Variants in POLR2F observed in about 807,000 individuals in gnomAD.
POLR2F encodes the protein RNA polymerase II, I and III subunit F, also known as DNA-directed RNA polymerases I, II, and III subunit RPABC2.
In POLR2F, 12 loss-of-function variants were observed where a neutral mutation model predicts 22.7. That is an observed-to-expected ratio of 0.53 (90% CI 0.34 to 0.86). The LOEUF is 0.86. Among genes scored for constraint, POLR2F ranks in the 40% least tolerant of loss-of-function variants. The pLI, the probability that POLR2F is intolerant of heterozygous loss-of-function variation, is 0.02. For missense variants in POLR2F, 126 were observed against 171.5 expected (o/e 0.73, Z 1.48); for synonymous variants, 57 against 66.0 (o/e 0.86, Z 0.66).
At chr22:38,029,819 C>T (rs568901626), downstream of POLR2F, among the ~76,000 whole-genome samples, 4 of 152,340 alleles carry the variant, frequency 2.6e-5, no homozygotes, top group East Asian at 7.7e-4. Flanking sequence ...TTCACCAAGG[C>T]ACCATCAGGT....
intron 1 of POLR2F, among the ~76,000 whole-genome samples, chr22:38,015,781 G>A (rs758302907): frequency 2.4e-4 from 37 of 152,110 alleles, no homozygotes; most frequent in Non-Finnish European, 4.7e-4. Flanking sequence ...CATGTGCCAC[G>A]CTGTGTTCTA....
At chr22:37,970,506 C>A (rs1004726100), downstream of POLR2F, among the ~76,000 whole-genome samples, 3 of 145,646 alleles carry the variant, frequency 2.1e-5, no homozygotes, top group Non-Finnish European at 4.5e-5. Flanking sequence ...ACTCGGGAGG[C>A]TGAGGCAGGG....
Position 38,011,802 on chromosome 22 carries a change from A to AT in POLR2F, c.121-14056dup, listed in dbSNP as rs988242383. ...ATTTCTTCAAAAAAAGCTTGCTGGC[A>AT]TTTTTTTTTTTCTTTACTGGGATTG... On this transcript the variant is annotated intron_variant, in intron 1 of 2. Transcript: ENST00000333418. 4.7e-3 allele frequency among the ~76,000 whole-genome samples: 677 copies of AT among 145,518 alleles called. 4 individuals are homozygous for AT. Among genetic ancestry groups the AT allele is most frequent in the African/African-American group, 0.013 (513 of 40,098 alleles).
upstream of POLR2F, among the ~76,000 whole-genome samples, chr22:37,985,573 A>T (rs1241721974): frequency 6.6e-6 from 1 of 152,002 alleles, no homozygotes; most frequent in African/African-American, 2.4e-5. Flanking sequence ...GGTGGGGTGT[A>T]TGTGGGTTAT....
In POLR2F at chr22:37,995,279, C is replaced by T. The variant is rs541891116; in HGVS notation, c.120+8967C>T. On this transcript the variant is annotated intron_variant, in intron 1 of 2. Coordinates refer to the POLR2F transcript ENST00000333418. ...GTGCTCGGGGTTGGACATGTGAGCA[C>T]GCAGCAGATGCTCAATAAGTGCTTG... Among the ~76,000 whole-genome samples, 18 of 152,308 alleles carry T rather than the reference C, an allele frequency of 1.2e-4. No individual in the cohort carries two copies. The South Asian group carries it at 1.7e-3, about 14-fold the overall frequency.
intron 5 of POLR2F, among the ~76,000 whole-genome samples, chr22:38,038,041 T>G (rs1305329390): frequency 1.3e-5 from 2 of 152,032 alleles, no homozygotes; most frequent in East Asian, 3.9e-4. Context: ...AGTAGCTTCT[T>G]TTAGAACAAC....
chr22:37,960,309 T>G (rs1931580107), intron 3 of POLR2F, among the ~76,000 whole-genome samples: 1 of 151,766 alleles, frequency 6.6e-6, no homozygotes, highest in Admixed American at 6.6e-5. Flanking sequence ...GTACAACCCC[T>G]GCCTCCCGGG....
At chr22:37,955,203 G>GTTTTT (rs77201045) in intron 1 of POLR2F, among the ~76,000 whole-genome samples, 1 of 131,770 alleles carries the variant, frequency 7.6e-6, no homozygotes, top group South Asian at 2.4e-4. Flanking sequence ...AGAAATAAGG[G>GTTTTT]TTTTTTTTTT....
downstream of POLR2F, among the ~76,000 whole-genome samples, chr22:37,969,690 A>G (rs1348877315): frequency 1.3e-5 from 2 of 152,240 alleles, no homozygotes; most frequent in Non-Finnish European, 2.9e-5. Flanking sequence ...GGTGGGTTGT[A>G]AAGATTATAA....
Position 38,017,794 on chromosome 22 carries a change from G to A in POLR2F, c.121-8075G>A, listed in dbSNP as rs1212111375. Among the ~76,000 whole-genome samples, 1 of 152,148 alleles carries A rather than the reference G, an allele frequency of 6.6e-6. No individual in the cohort carries two copies. The highest frequency in any genetic ancestry group is 1.5e-5 in the Non-Finnish European group (1 of 68,012). On this transcript the variant is annotated intron_variant, in intron 1 of 2. Coordinates refer to the POLR2F transcript ENST00000333418. The surrounding 1 kb of genome is among the most constrained non-coding windows in gnomAD (Gnocchi z 4.1). ...GCTTGCTCTGTCCTTGCCCAGCCCA[G>A]GCGTTTGGGAAGTTCTTTCTGAACT...
At chr22:37,994,884 A>G (rs1440382428) in intron 1 of POLR2F, among the ~76,000 whole-genome samples, 3 of 152,164 alleles carry the variant, frequency 2.0e-5, no homozygotes, top group East Asian at 3.9e-4. Context: ...AGCTCAAGCT[A>G]TCCTCCCGCC....
downstream of POLR2F, chr22:37,971,188 G>A: frequency 2.1e-6 from 1 of 468,696 alleles, no homozygotes; most frequent in East Asian, 7.0e-5. Flanking sequence ...GCAAACCACA[G>A]GCAGGTGGAG....
At chr22:38,041,773 G>C (rs2085174499), downstream of POLR2F, 1 of 152,254 alleles carries the variant, frequency 6.6e-6, no homozygotes, top group African/African-American at 2.4e-5. Context: ...TTTCTTTTTT[G>C]GGTGATGAAA....
At chr22:38,027,289 CGCT>C (rs2085022141), downstream of POLR2F, among the ~76,000 whole-genome samples, 1 of 152,112 alleles carries the variant, frequency 6.6e-6, no homozygotes, top group East Asian at 1.9e-4. Flanking sequence ...TAGGAAAGCA[CGCT>C]GAGTTCGTGT....
downstream of POLR2F, among the ~76,000 whole-genome samples, chr22:38,029,625 C>T (rs892985999): frequency 5.3e-5 from 8 of 152,196 alleles, no homozygotes; most frequent in Non-Finnish European, 1.0e-4. Flanking sequence ...GGATTGGTTT[C>T]CAGGTAACCT....
Position 37,986,548 on chromosome 22 carries a change from G to C in POLR2F, c.120+236G>C. On this transcript the variant is annotated intron_variant, in intron 1 of 2. Coordinates refer to the POLR2F transcript ENST00000333418. This position sits in a 1 kb window ranked among gnomAD's most constrained non-coding sequence, Gnocchi z 4.7. Reference sequence around the variant, plus strand: ...CCAGCTGTGCCAGGATGGGGGTGGGGGTAGCAGTGGGCACGCTCTGTCTGC... The same window carrying C: ...CCAGCTGTGCCAGGATGGGGGTGGGCGTAGCAGTGGGCACGCTCTGTCTGC... 1.1e-6 allele frequency: 1 copy of C among 932,726 alleles called. No homozygotes were observed. Among genetic ancestry groups the C allele is most frequent in the South Asian group, 1.4e-5 (1 of 71,372 alleles). 57.8% of individuals were successfully genotyped at this position (932,726 alleles called of 1,614,324 possible).
chr22:38,014,122 CAAA>C (rs918824276), intron 1 of POLR2F, among the ~76,000 whole-genome samples: 11 of 60,262 alleles, frequency 1.8e-4, no homozygotes, highest in Non-Finnish European at 3.5e-4. Flanking sequence ...AACTCTGTCT[CAAA>C]AAAAAAAAAA....
rs1240086161 is a variant in POLR2F at position 37,974,541 on chromosome 22, C to T, written c.293+7371C>T. 1.3e-5 allele frequency among the ~76,000 whole-genome samples: 2 copies of T among 151,938 alleles called. No homozygotes were observed. The highest frequency in any genetic ancestry group is 2.9e-5 in the Non-Finnish European group (2 of 67,984). ...CTAATTTGTGTATTTTTAGTAGAGA[C>T]GGGGTTTCACCATGTTGGCCAGGGT... On this transcript the variant is annotated intron_variant, in intron 4 of 4. Coordinates refer to the POLR2F transcript ENST00000405557. This position sits in a 1 kb window ranked among gnomAD's most constrained non-coding sequence, Gnocchi z 5.4.
At chr22:37,983,652 T>C, upstream of POLR2F, 2 of 1,595,392 alleles carry the variant, frequency 1.3e-6, no homozygotes, top group Non-Finnish European at 1.7e-6. This position sits in a 1 kb window ranked among gnomAD's most constrained non-coding sequence, Gnocchi z 9.5. Flanking sequence ...GGCCCCGGGC[T>C]GGCTCGCAGG....
Sources: gnomAD v4.1 joint callset for allele counts (sites outside exome capture counted in the v4.1 genomes callset) on GRCh38, gnomAD v4.1.1 for gene constraint, Gnocchi (gnomAD v3.1) non-coding constraint, MANE v1.5 for transcripts, NCBI Gene and HGNC (gene_info 2026-07-23, HGNC 2026-07-21) for gene names.